CTNND2: variants seen among roughly 807,000 people sequenced by gnomAD.
The protein encoded by CTNND2 is catenin delta 2.
CTNND2 carries 22 observed loss-of-function variants against 144.4 expected under a neutral mutation model. The ratio of observed to expected loss-of-function variants is 0.15; its 90% CI spans 0.11 to 0.22. The LOEUF is 0.22. Ranked by LOEUF, CTNND2 falls within the 10% of genes least tolerant of loss-of-function variation. The pLI is 1.00. For missense variants in CTNND2, 1,353 were observed against 1,618.8 expected, an observed-to-expected ratio of 0.84 and a Z score of 2.82; for synonymous variants, 751 against 695.6, an observed-to-expected ratio of 1.08 and a Z score of -1.25.
At chr5:11,066,400 G>A (rs1439987498) in intron 16 of CTNND2, among the ~76,000 whole-genome samples, 1 of 152,138 alleles carries the variant, frequency 6.6e-6, no homozygotes, top group African/African-American at 2.4e-5. Context: ...CTTTAGACAA[G>A]CTCAATCAAT....
intron 2 of CTNND2, among the ~76,000 whole-genome samples, chr5:11,713,998 GACA>G (rs1279750395): frequency 6.6e-6 from 1 of 152,046 alleles, no homozygotes; most frequent in African/African-American, 2.4e-5. Context: ...CCGTAGCCTC[GACA>G]ACAAGTTCAA....
intron 9 of CTNND2, among the ~76,000 whole-genome samples, chr5:11,293,278 G>A (rs536025188): frequency 6.6e-6 from 1 of 152,140 alleles, no homozygotes; most frequent in Non-Finnish European, 1.5e-5. Context: ...ATGTTATACA[G>A]GTGACCCTCA....
At chr5:11,860,793 G>A (rs374118274) in intron 1 of CTNND2, among the ~76,000 whole-genome samples, 3 of 152,188 alleles carry the variant, frequency 2.0e-5, no homozygotes, top group Middle Eastern at 3.4e-3. Context: ...GCACATCTCC[G>A]TTACTCCAGG....
chr5:11,096,776 A>AGAGG (rs1751391623), intron 15 of CTNND2, among the ~76,000 whole-genome samples: 1 of 151,102 alleles, frequency 6.6e-6, no homozygotes, highest in African/African-American at 2.4e-5. Context: ...AGAGAGAGAC[A>AGAGG]GAGGGAGGGA....
chr5:11,140,321 T>C (rs1316311348), intron 12 of CTNND2, among the ~76,000 whole-genome samples: 1 of 152,188 alleles, frequency 6.6e-6, no homozygotes, highest in Non-Finnish European at 1.5e-5. Context: ...GTCCTCAAAG[T>C]ACTCCTAGGC....
intron 16 of CTNND2, among the ~76,000 whole-genome samples, chr5:11,069,871 G>A (rs933117942): frequency 6.6e-6 from 1 of 152,164 alleles, no homozygotes; most frequent in Non-Finnish European, 1.5e-5. Flanking sequence ...TGCACTCAGT[G>A]GTAAACTGAA....
At chr5:11,640,909 T>A (rs1329225950) in intron 2 of CTNND2, among the ~76,000 whole-genome samples, 1 of 152,166 alleles carries the variant, frequency 6.6e-6, no homozygotes, top group African/African-American at 2.4e-5. Context: ...GAGTGGTATA[T>A]CCCAGATGGC....
intron 1 of CTNND2, among the ~76,000 whole-genome samples, chr5:11,739,290 C>G (rs1430591986): frequency 6.6e-6 from 1 of 152,134 alleles, no homozygotes; most frequent in African/African-American, 2.4e-5. Context: ...GAAGGCAGAA[C>G]TGGTGGGCCT....
intron 3 of CTNND2, among the ~76,000 whole-genome samples, chr5:11,469,459 A>G (rs898446086): frequency 2.2e-4 from 34 of 152,332 alleles, no homozygotes; most frequent in African/African-American, 8.2e-4. Context: ...ACAGAAAGGC[A>G]TAACACTGCT....
chr5:11,432,121 C>CT (rs5865940), intron 3 of CTNND2, among the ~76,000 whole-genome samples: 2,056 of 78,274 alleles, frequency 0.026, 53 homozygotes, highest in African/African-American at 0.035. Context: ...GAGGTTGAGG[C>CT]TTTTTTTTTT....
chr5:11,890,629 C>G (rs1736881256), intron 1 of CTNND2, among the ~76,000 whole-genome samples: 1 of 152,162 alleles, frequency 6.6e-6, no homozygotes, highest in African/African-American at 2.4e-5. Flanking sequence ...TGTACTATAT[C>G]AGTAAATGAT....
intron 12 of CTNND2, among the ~76,000 whole-genome samples, chr5:11,146,980 T>A (rs1009942560): frequency 6.6e-6 from 1 of 152,200 alleles, no homozygotes; most frequent in Non-Finnish European, 1.5e-5. Flanking sequence ...TTTCCTTGCT[T>A]GGTGCTGATT....
chr5:11,130,839 T>C (rs1360783535), intron 12 of CTNND2, among the ~76,000 whole-genome samples: 1 of 152,124 alleles, frequency 6.6e-6, no homozygotes, highest in African/African-American at 2.4e-5. Context: ...ACTCCCACAA[T>C]GTTTTACTCT....
chr5:11,792,739 C>T (rs1175051961), intron 1 of CTNND2, among the ~76,000 whole-genome samples: 1 of 152,146 alleles, frequency 6.6e-6, no homozygotes, highest in Non-Finnish European at 1.5e-5. Context: ...TTACTTCCAC[C>T]AATAAAACAG....
At chr5:11,581,279 G>A (rs74729755) in intron 2 of CTNND2, among the ~76,000 whole-genome samples, 3,329 of 151,624 alleles carry the variant, frequency 0.022, 120 homozygotes, top group African/African-American at 0.076. Context: ...ATTTTTCAGC[G>A]TTTTATGTTC....
chr5:10,976,799 T>C (rs373945425), intron 21 of CTNND2, among the ~76,000 whole-genome samples: 2 of 152,210 alleles, frequency 1.3e-5, no homozygotes, highest in Non-Finnish European at 2.9e-5. Context: ...ACAAGGGAAA[T>C]AGTAGCCCAG....
rs544032839 is a variant in CTNND2, at chr5:11,725,457, G to A, written c.174+6679C>T. 4.6e-5 allele frequency among the ~76,000 whole-genome samples: 7 copies of A among 152,184 alleles called. No individual in the cohort carries two copies. The South Asian group carries it at 6.2e-4, about 14-fold the overall frequency. On this transcript the variant is annotated intron_variant, in intron 2 of 21. Transcript: ENST00000304623. ...TAAATTTCCCTATTCTCTTCTCCTC[G>A]TTAAATAAGAGACTGGCAGAGAATA... is the stretch of plus-strand genomic sequence containing the variant.
chr5:11,385,791 T>G (rs1365268316), intron 6 of CTNND2: 1 of 152,180 alleles, frequency 6.6e-6, no homozygotes, highest in Non-Finnish European at 1.5e-5. Flanking sequence ...CGTGGATTCT[T>G]CTTTTTGGAC....
intron 2 of CTNND2, among the ~76,000 whole-genome samples, chr5:11,610,669 T>C (rs185074425): frequency 6.6e-6 from 1 of 152,306 alleles, no homozygotes; most frequent in East Asian, 1.9e-4. Context: ...GAACGGATCA[T>C]AGCAAAAATA....
Sources: gnomAD v4.1 joint callset for allele counts (sites outside exome capture counted in the v4.1 genomes callset) on GRCh38, gnomAD v4.1.1 for gene constraint, MANE v1.5 for transcripts, NCBI Gene and HGNC (gene_info 2026-07-23, HGNC 2026-07-21) for gene names.